TECPR2: variants seen among roughly 807,000 people sequenced by gnomAD.
The protein encoded by TECPR2 is tectonin beta-propeller repeat-containing protein 2.
TECPR2 carries 65 observed loss-of-function variants against 138.1 expected under a neutral mutation model. The ratio of observed to expected loss-of-function variants is 0.47; its 90% CI spans 0.39 to 0.58. The LOEUF is 0.58. TECPR2 is among the 20% of genes least tolerant of loss of function. TECPR2 has a pLI of 0.00. For missense variants in TECPR2, 1,553 were observed against 1,824.5 expected (o/e 0.85, Z 2.71); for synonymous variants, 746 against 749.8 (o/e 0.99, Z 0.08).
chr14:102,483,810 T>C, intron 17 of TECPR2, among the ~76,000 whole-genome samples: 1 of 119,388 alleles, frequency 8.4e-6, no homozygotes, highest in South Asian at 2.6e-4. Flanking sequence ...TTTTTTTTTT[T>C]TTGAGTTGGT....
At chr14:102,446,341 G>A (rs1299793917) in intron 13 of TECPR2, among the ~76,000 whole-genome samples, 1 of 152,148 alleles carries the variant, frequency 6.6e-6, no homozygotes, top group Non-Finnish European at 1.5e-5. Context: ...GCTCACACCT[G>A]TAATCCCAGC....
At chr14:102,468,649 A>AT (rs1472946762) in intron 17 of TECPR2, among the ~76,000 whole-genome samples, 4 of 152,062 alleles carry the variant, frequency 2.6e-5, no homozygotes, top group Non-Finnish European at 4.4e-5. Context: ...CAGTTTATTA[A>AT]TTTTTTCTTC....
chr14:102,485,756 G>A (rs1891014004), intron 17 of TECPR2, among the ~76,000 whole-genome samples: 1 of 152,152 alleles, frequency 6.6e-6, no homozygotes, highest in Non-Finnish European at 1.5e-5. Flanking sequence ...CATCTTTAGG[G>A]ACCTCTCCCT....
At chr14:102,412,832 C>T (rs1307914979) in intron 4 of TECPR2, among the ~76,000 whole-genome samples, 1 of 152,112 alleles carries the variant, frequency 6.6e-6, no homozygotes, top group Non-Finnish European at 1.5e-5. Context: ...TGGTGGCTCA[C>T]ACCCGTAATC....
chr14:102,426,860 A>G lies in TECPR2; in HGVS notation c.952-1390A>G, dbSNP rs117106952. 1.9e-3 allele frequency among the ~76,000 whole-genome samples: 288 copies of G among 152,332 alleles called. 5 individuals are homozygous for G. In the East Asian group the frequency reaches 0.04, roughly 21 times the overall value. On this transcript the variant is annotated intron_variant, in intron 6 of 19. Transcript: ENST00000359520. ...GGTGACAGAGCAAGACTTCATTTGA[A>G]AAAAAGAAAAGAAAGGGTTTTCTTC...
intron 2 of TECPR2, among the ~76,000 whole-genome samples, chr14:102,388,483 C>T (rs1215909897): frequency 1.3e-5 from 2 of 149,706 alleles, no homozygotes; most frequent in Non-Finnish European, 3.0e-5. Context: ...CACTTAAGGT[C>T]AGGAGTTTGA....
intron 5 of TECPR2, among the ~76,000 whole-genome samples, chr14:102,416,857 G>A (rs1348566289): frequency 3.9e-5 from 6 of 152,180 alleles, no homozygotes; most frequent in South Asian, 4.1e-4. Flanking sequence ...GGTAGCAGGC[G>A]CCTGTAATCC....
Position 102,443,731 on chromosome 14 carries a change from T to A in TECPR2, c.2837T>A (p.Val946Glu). 6.2e-7 allele frequency: 1 copy of A among 1,612,950 alleles called. No individual in the cohort carries two copies. The highest frequency in any genetic ancestry group is 8.5e-7 in the Non-Finnish European group (1 of 1,179,238). The change falls in exon 12 of 20, where the codon GTG becomes GAG. Residue 946 changes from valine (V) to glutamate (E), a missense_variant. Val to Glu is a moderately radical substitution (Grantham distance 121). Coordinates refer to ENST00000359520, the MANE Select transcript of TECPR2 (RefSeq NM_014844.5). The surrounding 1 kb of genome is among the most constrained non-coding windows in gnomAD (Gnocchi z 4.9). ...PLSQITARNNVVWALTEQRAL... is the reference protein window; with the variant it reads ...PLSQITARNNEVWALTEQRAL... ...TCCCAGATCACAGCCCGGAACAATG[T>A]GGTGTGGGCGCTGACAGAGCAGAGG...
Position 102,434,964 on chromosome 14 carries a change from G to A in TECPR2, c.2147G>A (p.Arg716His), listed in dbSNP as rs868702405. The change falls in exon 9 of 20, where the codon CGT becomes CAT. Residue 716 changes from arginine (R) to histidine (H), a missense_variant. Physicochemically the swap from Arg to His is conservative, Grantham distance 29. Transcript: ENST00000359520. ...CAGAAAGAAATACCCATTTCTGAACGTGTCTTGGGGAGTGTGGGAGGACAG... is the reference window on the plus strand; with the variant it reads ...CAGAAAGAAATACCCATTTCTGAACATGTCTTGGGGAGTGTGGGAGGACAG... ...TGQKEIPISE[R>H]VLGSVGGQLT... 45 of 1,614,110 alleles carry A rather than the reference G, an allele frequency of 2.8e-5. 1 individual carries two copies. Among genetic ancestry groups the A allele is most frequent in the Middle Eastern group, 1.6e-4 (1 of 6,062 alleles).
chr14:102,486,848 G>A (rs549223330), intron 17 of TECPR2, among the ~76,000 whole-genome samples: 5 of 152,322 alleles, frequency 3.3e-5, no homozygotes, highest in African/African-American at 9.6e-5. Flanking sequence ...ATGGGTATCG[G>A]GTTTTTAAGC....
chr14:102,370,592 G>A lies in TECPR2; in HGVS notation c.-72-6058G>A, dbSNP rs1267409640. ...GCTGGAGGACAAGTGAGAGATCCTCGGGTGGCAGAGGCCAGATCACCAAGG... is the reference window on the plus strand; with the variant it reads ...GCTGGAGGACAAGTGAGAGATCCTCAGGTGGCAGAGGCCAGATCACCAAGG... On this transcript the variant is annotated intron_variant, in intron 1 of 19. Coordinates refer to ENST00000359520, the MANE Select transcript of TECPR2 (RefSeq NM_014844.5). 3.9e-5 allele frequency among the ~76,000 whole-genome samples: 6 copies of A among 152,298 alleles called. No individual in the cohort carries two copies. In the Middle Eastern group the frequency reaches 0.017, roughly 432 times the overall value.
intron 2 of TECPR2, among the ~76,000 whole-genome samples, chr14:102,393,765 G>A (rs1451680449): frequency 6.6e-6 from 1 of 152,078 alleles, no homozygotes; most frequent in East Asian, 1.9e-4. Flanking sequence ...TCTCCATGTG[G>A]GCCAGGCTGG....
chr14:102,382,870 C>T lies in TECPR2; in HGVS notation c.219+5930C>T, dbSNP rs1038272842. 1.1e-4 allele frequency among the ~76,000 whole-genome samples: 17 copies of T among 151,912 alleles called. 1 individual carries two copies. The highest frequency in any genetic ancestry group is 2.5e-4 in the Non-Finnish European group (17 of 68,008). On this transcript the variant is annotated intron_variant, in intron 2 of 19. Coordinates refer to ENST00000359520, the MANE Select transcript of TECPR2 (RefSeq NM_014844.5). ...GTCCCCCGGGTTCAAGTGATTCTTG[C>T]CTCAGCCTCCCAAGTAGCTGGGATT... is the stretch of plus-strand genomic sequence containing the variant.
At chr14:102,433,529 A>T (rs578098329) in intron 8 of TECPR2, among the ~76,000 whole-genome samples, 1,642 of 131,222 alleles carry the variant, frequency 0.013, 38 homozygotes, top group African/African-American at 0.04. Flanking sequence ...TTTATTTTTT[A>T]ATTTATTGGA....
chr14:102,370,886 G>C (rs960529110), intron 1 of TECPR2, among the ~76,000 whole-genome samples: 1 of 152,128 alleles, frequency 6.6e-6, no homozygotes, highest in African/African-American at 2.4e-5. Flanking sequence ...GAGAGGAGAG[G>C]AGGAGGGATC....
chr14:102,496,038 A>G (rs1891271640), intron 17 of TECPR2, among the ~76,000 whole-genome samples: 2 of 152,242 alleles, frequency 1.3e-5, no homozygotes, highest in South Asian at 4.1e-4. Context: ...TATTCACGGC[A>G]GCCCTGAGCA....
chr14:102,442,762 G>A (rs926128283), intron 11 of TECPR2, among the ~76,000 whole-genome samples: 1 of 152,234 alleles, frequency 6.6e-6, no homozygotes, highest in African/African-American at 2.4e-5. Context: ...CTATAGGTGC[G>A]TCTGTGATTA....
chr14:102,467,896 G>A (rs555964975), intron 17 of TECPR2, among the ~76,000 whole-genome samples: 72 of 151,462 alleles, frequency 4.8e-4, no homozygotes, highest in Non-Finnish European at 9.3e-4. Context: ...GAGTGCAGTG[G>A]CGCAATCTCT....
At chr14:102,485,553 T>C (rs1891006155) in intron 17 of TECPR2, among the ~76,000 whole-genome samples, 1 of 152,198 alleles carries the variant, frequency 6.6e-6, no homozygotes, top group Admixed American at 6.5e-5. Flanking sequence ...CACAGGGTTC[T>C]AACGGGGTGC....
Sources: gnomAD v4.1 joint callset for allele counts (sites outside exome capture counted in the v4.1 genomes callset) on GRCh38, gnomAD v4.1.1 for gene constraint, Gnocchi (gnomAD v3.1) non-coding constraint, MANE v1.5 for transcripts, NCBI Gene and HGNC (gene_info 2026-07-23, HGNC 2026-07-21) for gene names.